Variants in MAPK8 observed in about 807,000 individuals in gnomAD.
MAPK8 encodes the protein JUN N-terminal kinase.
In MAPK8, 13 loss-of-function variants were observed where a neutral mutation model predicts 52.9. That is an observed-to-expected ratio of 0.25 (90% CI 0.16 to 0.39). MAPK8 has a LOEUF of 0.39. Among genes scored for constraint, MAPK8 ranks in the 10% least tolerant of loss-of-function variants. The pLI, the probability that MAPK8 is intolerant of heterozygous loss-of-function variation, is 1.00. For missense variants in MAPK8, 300 were observed against 519.2 expected (o/e 0.58, Z 4.10); for synonymous variants, 191 against 169.8 (o/e 1.12, Z -0.97).
intron 1 of MAPK8, among the ~76,000 whole-genome samples, chr10:48,358,603 T>G (rs1278950447): frequency 2.0e-5 from 3 of 152,214 alleles, no homozygotes; most frequent in Non-Finnish European, 4.4e-5. Context: ...TGTACAAAAG[T>G]TTTTAATATT....
intron 1 of MAPK8, among the ~76,000 whole-genome samples, chr10:48,352,423 A>G (rs764373647): frequency 6.6e-6 from 1 of 152,214 alleles, no homozygotes; most frequent in Non-Finnish European, 1.5e-5. Flanking sequence ...AGAATTAAAC[A>G]CAATGACCAA....
At chr10:48,333,369 A>G (rs1844333224) in intron 1 of MAPK8, among the ~76,000 whole-genome samples, 2 of 152,286 alleles carry the variant, frequency 1.3e-5, no homozygotes, top group South Asian at 4.1e-4. Context: ...AGTCTCCTCT[A>G]CCAGCAGGTC....
At chr10:48,367,219 A>G (rs1008845537) in intron 1 of MAPK8, among the ~76,000 whole-genome samples, 1 of 152,116 alleles carries the variant, frequency 6.6e-6, no homozygotes, top group Non-Finnish European at 1.5e-5. Flanking sequence ...TTTTAAAATT[A>G]AGCAAGCTTG....
At chr10:48,307,885 T>C (rs1841565045) in intron 1 of MAPK8, among the ~76,000 whole-genome samples, 1 of 152,192 alleles carries the variant, frequency 6.6e-6, no homozygotes, top group Non-Finnish European at 1.5e-5. Flanking sequence ...AAGTATCCTT[T>C]CATGGAAGAG....
chr10:48,408,000 ATTTG>A (rs1387546291), intron 3 of MAPK8, among the ~76,000 whole-genome samples: 4 of 152,272 alleles, frequency 2.6e-5, no homozygotes, highest in African/African-American at 7.2e-5. Context: ...CCTCTCTTAA[ATTTG>A]TTTGGCCCTT....
chr10:48,391,918 G>A (rs1001034660), intron 1 of MAPK8, among the ~76,000 whole-genome samples: 1 of 152,116 alleles, frequency 6.6e-6, no homozygotes, highest in African/African-American at 2.4e-5. Context: ...AGATGCATAG[G>A]GTAAGGTATG....
At chr10:48,334,495 C>T (rs1844472937) in intron 1 of MAPK8, among the ~76,000 whole-genome samples, 1 of 152,164 alleles carries the variant, frequency 6.6e-6, no homozygotes, top group Admixed American at 6.5e-5. Context: ...TCCAATTTTC[C>T]TACCTTGGCT....
At chr10:48,366,683 A>G (rs545824325) in intron 1 of MAPK8, among the ~76,000 whole-genome samples, 8 of 152,238 alleles carry the variant, frequency 5.3e-5, no homozygotes, top group East Asian at 1.9e-4. Flanking sequence ...ATTCTCTTCT[A>G]TTTCACTAAA....
chr10:48,376,437 T>G (rs2040665840), intron 1 of MAPK8, among the ~76,000 whole-genome samples: 1 of 152,070 alleles, frequency 6.6e-6, no homozygotes, highest in Non-Finnish European at 1.5e-5. Flanking sequence ...ATCATCAGAG[T>G]GAACAAGCAG....
intron 1 of MAPK8, among the ~76,000 whole-genome samples, chr10:48,316,448 C>T (rs1035374247): frequency 5.3e-5 from 8 of 152,166 alleles, no homozygotes; most frequent in Non-Finnish European, 7.4e-5. Context: ...AAGGTATCCC[C>T]GTCCTTAAGC....
intron 1 of MAPK8, among the ~76,000 whole-genome samples, chr10:48,378,889 A>G (rs1360679025): frequency 6.6e-6 from 1 of 152,084 alleles, no homozygotes; most frequent in African/African-American, 2.4e-5. Context: ...CTCAGCCGTG[A>G]GTAGCTGGGC....
At chr10:48,311,898 T>C (rs1207426720) in intron 1 of MAPK8, among the ~76,000 whole-genome samples, 2 of 152,212 alleles carry the variant, frequency 1.3e-5, no homozygotes, top group African/African-American at 4.8e-5. Context: ...TACTGAGCAT[T>C]GCACTATACT....
intron 5 of MAPK8, among the ~76,000 whole-genome samples, chr10:48,415,312 A>G (rs1157209316): frequency 1.3e-5 from 2 of 152,158 alleles, no homozygotes; most frequent in Non-Finnish European, 2.9e-5. Flanking sequence ...ATTTGATTTT[A>G]GTAAAGCACA....
chr10:48,359,729 G>T (rs924570977), intron 1 of MAPK8, among the ~76,000 whole-genome samples: 2 of 152,038 alleles, frequency 1.3e-5, no homozygotes, highest in Non-Finnish European at 2.9e-5. Flanking sequence ...AAATAAATTG[G>T]ATACCTTCCT....
chr10:48,325,959 G>A (rs1473738983), intron 1 of MAPK8: 1 of 152,206 alleles, frequency 6.6e-6, no homozygotes. Flanking sequence ...ATCACATCCT[G>A]TCAAGGGTAT....
intron 1 of MAPK8, among the ~76,000 whole-genome samples, chr10:48,328,080 G>A (rs1843709546): frequency 2.0e-5 from 3 of 151,978 alleles, no homozygotes; most frequent in Admixed American, 6.6e-5. Context: ...GCAGTGGTGC[G>A]ATCTTGGCTC....
chr10:48,320,151 G>A (rs1250817966), intron 1 of MAPK8, among the ~76,000 whole-genome samples: 3 of 140,586 alleles, frequency 2.1e-5, no homozygotes, highest in African/African-American at 7.8e-5. Flanking sequence ...CCTGACCTCA[G>A]GTGATCCCCC....
Position 48,401,759 on chromosome 10 carries a change from C to CCTG in MAPK8, c.99_100insCTG (p.Gly33_Ser34insLeu). ...GATATCAGAATTTAAAACCTATAGG[C>CCTG]TCAGGAGCTCAAGGAATAGTATGGT... is the stretch of plus-strand genomic sequence containing the variant. On this transcript the variant is annotated inframe_insertion, in exon 2 of 12. Coordinates refer to ENST00000374189, the MANE Select transcript of MAPK8 (RefSeq NM_001323329.2). 6.5e-7 allele frequency: 1 copy of CCTG among 1,535,672 alleles called. No individual in the cohort carries two copies. The highest frequency in any genetic ancestry group is 8.7e-7 in the Non-Finnish European group (1 of 1,147,740).
chr10:48,356,179 C>A (rs1355667815), intron 1 of MAPK8, among the ~76,000 whole-genome samples: 2 of 152,106 alleles, frequency 1.3e-5, no homozygotes, highest in Non-Finnish European at 2.9e-5. Context: ...AAACAGTAAT[C>A]ATTTTCATAG....
Sources: allele counts gnomAD v4.1 joint callset (sites outside exome capture counted in the v4.1 genomes callset), GRCh38; gene constraint gnomAD v4.1.1; transcripts MANE v1.5; gene names NCBI Gene and HGNC (gene_info 2026-07-23, HGNC 2026-07-21).